The following SUFU variants were observed in gnomAD, a reference collection of about 807,000 sequenced individuals.
SUFU encodes suppressor of fused homolog.
SUFU carries 7 observed loss-of-function variants against 58.9 expected under a neutral mutation model. The ratio of observed to expected loss-of-function variants is 0.12; its 90% CI spans 0.07 to 0.22. SUFU has a LOEUF of 0.22. Among genes scored for constraint, SUFU ranks in the 10% least tolerant of loss-of-function variants. The probability of loss-of-function intolerance (pLI) is 1.00; values close to 1 mark genes in which losing one functional copy is unlikely to be tolerated. For synonymous variants in SUFU, 232 were observed against 254.8 expected, an observed-to-expected ratio of 0.91 and a Z score of 0.85; for missense variants, 451 against 641.3, an observed-to-expected ratio of 0.70 and a Z score of 3.20.
chr10:102,568,929 T>A (rs1303103129), intron 3 of SUFU, among the ~76,000 whole-genome samples: 1 of 32,842 alleles, frequency 3.0e-5, no homozygotes, highest in Admixed American at 4.2e-4. Flanking sequence ...TACACATATA[T>A]ATATATATAT....
Position 102,580,508 on chromosome 10 carries a change from C to G in SUFU, c.455-12074C>G, listed in dbSNP as rs1202345102. Among the ~76,000 whole-genome samples the G allele has an allele frequency of 1.3e-5, 2 of 151,980 alleles. 1 individual carries two copies. Among genetic ancestry groups the G allele is most frequent in the South Asian group, 4.1e-4 (2 of 4,820 alleles). On this transcript the variant is annotated intron_variant, in intron 3 of 11. Coordinates refer to ENST00000369902, the MANE Select transcript of SUFU (RefSeq NM_016169.4). ...TTGGCTTGGGGAGGGGGTATGGAGCCGGGTAGGCAGGGAAGTGGAGGGAGG... is the reference window on the plus strand; with the variant it reads ...TTGGCTTGGGGAGGGGGTATGGAGCGGGGTAGGCAGGGAAGTGGAGGGAGG...
In SUFU at chr10:102,625,863, T is replaced by C. The variant is rs1373945550; in HGVS notation, c.1297-1312T>C. ...CGTCCTGTGTGCTCACCTTCCTGTG[T>C]GCACTCCTTCCTTGTTATCTCACAG... On this transcript the variant is annotated intron_variant, in intron 10 of 11. Coordinates refer to ENST00000369902, the MANE Select transcript of SUFU (RefSeq NM_016169.4). This position sits in a 1 kb window ranked among gnomAD's most constrained non-coding sequence, Gnocchi z 4.7. Among the ~76,000 whole-genome samples, 1 of 152,240 alleles carries C rather than the reference T, an allele frequency of 6.6e-6. No individual in the cohort carries two copies. Among genetic ancestry groups the C allele is most frequent in the East Asian group, 1.9e-4 (1 of 5,200 alleles).
intron 2 of SUFU, among the ~76,000 whole-genome samples, chr10:102,535,968 A>ATGT (rs1417092810): frequency 2.7e-5 from 4 of 147,922 alleles, no homozygotes; most frequent in East Asian, 1.9e-4. Flanking sequence ...GATGATGATG[A>ATGT]TGTTGTTGAT....
chr10:102,563,930 A>G (rs553634833), intron 3 of SUFU, among the ~76,000 whole-genome samples: 1 of 152,242 alleles, frequency 6.6e-6, no homozygotes, highest in South Asian at 2.1e-4. Flanking sequence ...CTGCCATTCC[A>G]GTCCCTGGGG....
Position 102,504,031 on chromosome 10 carries a change from A to G in SUFU, c.-122A>G, listed in dbSNP as rs2135596303. 7.5e-6 allele frequency: 10 copies of G among 1,332,004 alleles called. No individual in the cohort carries two copies. Among genetic ancestry groups the G allele is most frequent in the South Asian group, 1.6e-5 (1 of 64,340 alleles). The allele number at this position is 1,332,004 out of a possible 1,614,324, so 82.5% of individuals were successfully genotyped here. A position where few individuals can be genotyped will look rare whatever the true frequency, so the allele number is the denominator to read the frequency against. On this transcript the variant is annotated 5_prime_UTR_variant, in exon 1 of 12. Coordinates refer to ENST00000369902, the MANE Select transcript of SUFU (RefSeq NM_016169.4). Reference sequence around the variant, plus strand: ...GCGCCGTGCGCAGGCGCGGAGCTAGACCTCGCTGCAGCCCCCATCGCCTCG... The same window carrying G: ...GCGCCGTGCGCAGGCGCGGAGCTAGGCCTCGCTGCAGCCCCCATCGCCTCG...
intron 2 of SUFU, among the ~76,000 whole-genome samples, chr10:102,527,178 A>G (rs1589993353): frequency 1.3e-5 from 2 of 151,700 alleles, no homozygotes; most frequent in East Asian, 2.0e-4. Context: ...AACTTTTTGT[A>G]TTTTTAGTAG....
At chr10:102,526,645 A>G (rs1156563482) in intron 2 of SUFU, among the ~76,000 whole-genome samples, 1 of 152,210 alleles carries the variant, frequency 6.6e-6, no homozygotes, top group African/African-American at 2.4e-5. Flanking sequence ...GGATGCTGTT[A>G]GCAGTAATCA....
intron 11 of SUFU, among the ~76,000 whole-genome samples, chr10:102,627,679 C>T (rs1244671973): frequency 1.3e-5 from 2 of 152,206 alleles, no homozygotes; most frequent in South Asian, 2.1e-4. Flanking sequence ...GGGACTCCTG[C>T]TCTCGCCTCG....
At chr10:102,523,220 C>T (rs1047513436) in intron 2 of SUFU, among the ~76,000 whole-genome samples, 6 of 152,172 alleles carry the variant, frequency 3.9e-5, no homozygotes, top group African/African-American at 1.2e-4. Flanking sequence ...GTTACTCAGT[C>T]TCTTGGAGTC....
rs558959603 is a variant in SUFU at position 102,547,940 on chromosome 10, C to T, written c.318-2030C>T. Among the ~76,000 whole-genome samples, 5 of 151,932 alleles carry T rather than the reference C, an allele frequency of 3.3e-5. No individual in the cohort carries two copies. In the South Asian group the frequency reaches 1.0e-3, roughly 32 times the overall value. ...CTGAGGCCAAAGGATTGCTTGAGCC[C>T]AGGAATTTGAAACCAGTCTGGGCAA... is the stretch of plus-strand genomic sequence containing the variant. On this transcript the variant is annotated intron_variant, in intron 2 of 11. Coordinates refer to ENST00000369902, the MANE Select transcript of SUFU (RefSeq NM_016169.4).
chr10:102,603,544 A>T (rs2063534434), intron 8 of SUFU, among the ~76,000 whole-genome samples: 1 of 152,220 alleles, frequency 6.6e-6, no homozygotes, highest in Non-Finnish European at 1.5e-5. Flanking sequence ...TTTGTAGTTG[A>T]GGCACCTCTA....
At chr10:102,518,877 C>T (rs2062508496) in intron 2 of SUFU, among the ~76,000 whole-genome samples, 1 of 151,452 alleles carries the variant, frequency 6.6e-6, no homozygotes, top group Admixed American at 6.6e-5. Context: ...CGGTGGCTCA[C>T]ACTTGTAATC....
At chr10:102,561,529 C>T (rs1296545771) in intron 3 of SUFU, among the ~76,000 whole-genome samples, 2 of 152,072 alleles carry the variant, frequency 1.3e-5, no homozygotes, top group South Asian at 2.1e-4. Context: ...GCCACTGCAC[C>T]GAGCCTAGTG....
chr10:102,584,459 GCA>G (rs1401105170), intron 3 of SUFU, among the ~76,000 whole-genome samples: 2 of 152,124 alleles, frequency 1.3e-5, no homozygotes, highest in African/African-American at 4.8e-5. Context: ...AGGATTACAG[GCA>G]TGAGCCACCA....
At chr10:102,518,945 C>T (rs1416446676) in intron 2 of SUFU, among the ~76,000 whole-genome samples, 4 of 150,600 alleles carry the variant, frequency 2.7e-5, no homozygotes, top group African/African-American at 9.8e-5. Flanking sequence ...CGAGACCATC[C>T]TGGCTAACAC....
At chr10:102,507,855 G>C (rs1413984665) in intron 1 of SUFU, among the ~76,000 whole-genome samples, 1 of 152,104 alleles carries the variant, frequency 6.6e-6, no homozygotes, top group African/African-American at 2.4e-5. Flanking sequence ...GGAATGGTCA[G>C]ATGTTTGAGG....
In SUFU at chr10:102,597,228, C is replaced by A. The variant is rs2063472026; in HGVS notation, c.845C>A (p.Pro282His). Residue 282 changes from proline (P) to histidine (H), a missense_variant, in exon 7 of 12, where the codon CCC becomes CAC. Pro to His is a moderately conservative substitution (Grantham distance 77, BLOSUM62 -2). Coordinates refer to ENST00000369902, the MANE Select transcript of SUFU (RefSeq NM_016169.4). Reference protein sequence around the residue: ...KCAWDDLSRPPEDDEDSRSIC... With the variant: ...KCAWDDLSRPHEDDEDSRSIC... ...GCCTGGGATGACCTGAGCCGGCCCCCCGAGGATGACGAGGACAGCCGGAGC... is the reference window on the plus strand; with the variant it reads ...GCCTGGGATGACCTGAGCCGGCCCCACGAGGATGACGAGGACAGCCGGAGC... 1.9e-6 allele frequency: 3 copies of A among 1,613,904 alleles called. No homozygotes were observed. The highest frequency in any genetic ancestry group is 2.2e-5 in the South Asian group (2 of 91,076).
chr10:102,616,957 C>T (rs1590083863), intron 9 of SUFU, among the ~76,000 whole-genome samples: 1 of 152,232 alleles, frequency 6.6e-6, no homozygotes, highest in South Asian at 2.1e-4. Flanking sequence ...TGACCTTCAG[C>T]ACATTGCTAC....
Position 102,572,825 on chromosome 10 carries a change from T to C in SUFU, c.455-19757T>C, listed in dbSNP as rs1209358073. 3 of 840,152 alleles carry C rather than the reference T, an allele frequency of 3.6e-6. No individual in the cohort carries two copies. In the African/African-American group the frequency reaches 4.9e-5, roughly 14 times the overall value. 52.0% of individuals were successfully genotyped at this position (840,152 alleles called of 1,614,324 possible). On this transcript the variant is annotated intron_variant, in intron 3 of 11. Transcript: ENST00000369902. ...TCAGGAGCCAGTCCAACATATGCCT[T>C]CTTCTCTCCATCACGCTGAATCAGG...
Sources: gnomAD v4.1 joint callset for allele counts (sites outside exome capture counted in the v4.1 genomes callset) on GRCh38, gnomAD v4.1.1 for gene constraint, Gnocchi (gnomAD v3.1) non-coding constraint, MANE v1.5 for transcripts, NCBI Gene and HGNC (gene_info 2026-07-23, HGNC 2026-07-21) for gene names.